Variants in COLGALT2 observed in about 807,000 individuals in gnomAD.
The protein encoded by COLGALT2 is procollagen galactosyltransferase 2.
Under a neutral mutation model 73.4 loss-of-function variants are expected in COLGALT2, and 49 were observed. The ratio of observed to expected loss-of-function variants is 0.67; its 90% CI spans 0.53 to 0.85. COLGALT2 has a LOEUF of 0.85. Among genes scored for constraint, COLGALT2 ranks in the 40% least tolerant of loss-of-function variants. The pLI, the probability that COLGALT2 is intolerant of heterozygous loss-of-function variation, is 0.00. For missense variants in COLGALT2, 722 were observed against 790.2 expected, an observed-to-expected ratio of 0.91 and a Z score of 1.03; for synonymous variants, 295 against 307.6, an observed-to-expected ratio of 0.96 and a Z score of 0.43.
At chr1:183,973,541 T>C (rs1671106477) in intron 4 of COLGALT2, 75 bp downstream of exon 4, 2 of 1,563,946 alleles carry the variant, frequency 1.3e-6, no homozygotes, top group Admixed American at 1.8e-5. Flanking sequence ...AAGAGAAAGG[T>C]GAATGGGACT....
intron 1 of COLGALT2, among the ~76,000 whole-genome samples, chr1:184,008,803 C>T (rs1379384122): frequency 3.9e-5 from 6 of 152,056 alleles, no homozygotes; most frequent in South Asian, 2.1e-4. Flanking sequence ...AGAAAATATT[C>T]TTATACCTAG....
chr1:183,972,322 G>T (rs893798296), intron 4 of COLGALT2, among the ~76,000 whole-genome samples: 1 of 152,070 alleles, frequency 6.6e-6, no homozygotes, highest in Non-Finnish European at 1.5e-5. Flanking sequence ...TGCTCATGTT[G>T]GTCTCAAACT....
rs1053093 is a variant in COLGALT2, at chr1:183,935,939, C to T, written c.*2822G>A. On this transcript the variant is annotated 3_prime_UTR_variant, in exon 12 of 12. Transcript: ENST00000361927. ...ACGCAAGACAGATGATGCAGGGGAA[C>T]GGGTGTCCACTCTTTCTTGTTCTCA... The T allele has an allele frequency of 0.27, 266,924 of 985,176 alleles. 36,588 individuals carry two copies. The highest frequency in any genetic ancestry group is 0.48 in the East Asian group (4,250 of 8,806). The allele number at this position is 985,176 out of a possible 1,614,324, so 61.0% of individuals were successfully genotyped here.
chr1:184,020,503 T>C (rs1558340336), intron 1 of COLGALT2, among the ~76,000 whole-genome samples: 1 of 152,182 alleles, frequency 6.6e-6, no homozygotes, highest in Non-Finnish European at 1.5e-5. Flanking sequence ...TGTTTTCCCC[T>C]TTCTCCATTC....
intron 1 of COLGALT2, among the ~76,000 whole-genome samples, chr1:183,981,502 A>AC (rs1266177674): frequency 2.7e-5 from 4 of 150,554 alleles, no homozygotes; most frequent in African/African-American, 4.9e-5. Flanking sequence ...AAAAAAAAAA[A>AC]AACATTAGCT....
intron 1 of COLGALT2, 89 bp downstream of exon 1, chr1:184,037,006 G>T: frequency 8.8e-7 from 1 of 1,133,774 alleles, no homozygotes; most frequent in Non-Finnish European, 1.1e-6. Flanking sequence ...CGGCTCCCTC[G>T]CCCTGCAGCT....
chr1:184,021,658 T>C (rs968465264), intron 1 of COLGALT2, among the ~76,000 whole-genome samples: 15 of 152,180 alleles, frequency 9.9e-5, no homozygotes, highest in African/African-American at 3.6e-4. Flanking sequence ...TGGTATTCTA[T>C]TATAGCAGCA....
At chr1:183,967,878 CT>C (rs1446995750) in intron 5 of COLGALT2, among the ~76,000 whole-genome samples, 1 of 152,202 alleles carries the variant, frequency 6.6e-6, no homozygotes, top group African/African-American at 2.4e-5. Context: ...ATGAGGATTG[CT>C]TTTGCCTAGA....
chr1:183,976,327 G>C lies in COLGALT2; in HGVS notation c.375-1113C>G, dbSNP rs116318841. 5.6e-3 allele frequency among the ~76,000 whole-genome samples: 786 copies of C among 140,150 alleles called. 10 individuals are homozygous for C. Among genetic ancestry groups the C allele is most frequent in the African/African-American group, 0.02 (756 of 37,372 alleles). The allele number at this position is 140,150 out of a possible 152,430, so 91.9% of individuals were successfully genotyped here. A position where few individuals can be genotyped will look rare whatever the true frequency, so the allele number is the denominator to read the frequency against. On this transcript the variant is annotated intron_variant, in intron 2 of 11. Transcript: ENST00000361927. ...GCTTGATATACAGTCCATGGGCTTGGATTTGAGAAACACATATGTATATAT... is the reference window on the plus strand; with the variant it reads ...GCTTGATATACAGTCCATGGGCTTGCATTTGAGAAACACATATGTATATAT...
chr1:183,932,681 C>T (rs986685492), downstream of COLGALT2, among the ~76,000 whole-genome samples: 9 of 152,258 alleles, frequency 5.9e-5, no homozygotes, highest in South Asian at 8.3e-4. Flanking sequence ...GTGGGCCCGG[C>T]GCAGCCTCCC....
chr1:183,937,545 C>T lies in COLGALT2; in HGVS notation c.*1216G>A. 1.0e-6 allele frequency: 1 copy of T among 985,364 alleles called. No homozygotes were observed. Among genetic ancestry groups the T allele is most frequent in the Non-Finnish European group, 1.2e-6 (1 of 829,926 alleles). 61.0% of individuals were successfully genotyped at this position (985,364 alleles called of 1,614,324 possible). On this transcript the variant is annotated 3_prime_UTR_variant, in exon 12 of 12. Coordinates refer to ENST00000361927, the MANE Select transcript of COLGALT2 (RefSeq NM_015101.4). ...CAGGTGACCAGCCCTTTGTTTCTGACCAGGTTTCTCACCTGAGATAGAGAA... is the reference window on the plus strand; with the variant it reads ...CAGGTGACCAGCCCTTTGTTTCTGATCAGGTTTCTCACCTGAGATAGAGAA...
At chr1:183,981,758 A>AAT (rs1671357775) in intron 1 of COLGALT2, among the ~76,000 whole-genome samples, 1 of 152,210 alleles carries the variant, frequency 6.6e-6, no homozygotes, top group Non-Finnish European at 1.5e-5. Context: ...ATATATTCAA[A>AAT]AAATTTTTTT....
Position 183,944,292 on chromosome 1 carries a change from A to G in COLGALT2, c.1301T>C (p.Val434Ala). The part of the protein sequence containing the change: ...VIDRELEKTL[V>A]IEDDVRFEHQ... ...CTCAAAACGCACATCGTCTTCAATT[A>G]CAAGAGTCTTCTCTAGCTCTCGATC... is the stretch of plus-strand genomic sequence containing the variant. Residue 434 changes from valine to alanine, a missense_variant, in exon 10 of 12, where the codon GTA becomes GCA. By Grantham distance (64) the Val-to-Ala change is moderately conservative. Transcript: ENST00000361927. 6.2e-7 allele frequency: 1 copy of G among 1,613,940 alleles called. No individual in the cohort carries two copies. Among genetic ancestry groups the G allele is most frequent in the Non-Finnish European group, 8.5e-7 (1 of 1,179,930 alleles).
At chr1:183,930,995 G>A (rs548381008), downstream of COLGALT2, among the ~76,000 whole-genome samples, 51 of 152,320 alleles carry the variant, frequency 3.3e-4, no homozygotes, top group Admixed American at 7.2e-4. Flanking sequence ...GTGGAAGCAA[G>A]TTTCTTACTT....
chr1:183,993,478 T>G (rs890499901), intron 1 of COLGALT2, among the ~76,000 whole-genome samples: 2 of 152,222 alleles, frequency 1.3e-5, no homozygotes, highest in African/African-American at 4.8e-5. Flanking sequence ...GCAAGAGGAT[T>G]TGGTATGCAC....
At chr1:183,955,942 C>T (rs938643070) in intron 6 of COLGALT2, among the ~76,000 whole-genome samples, 1 of 152,150 alleles carries the variant, frequency 6.6e-6, no homozygotes, top group Admixed American at 6.5e-5. Context: ...GCTGCTGCTC[C>T]ACTCTCCAAG....
chr1:184,027,452 A>G (rs893545783), intron 1 of COLGALT2, among the ~76,000 whole-genome samples: 4 of 152,202 alleles, frequency 2.6e-5, no homozygotes, highest in African/African-American at 9.7e-5. Flanking sequence ...AAATCCATGT[A>G]TCTAACAAAT....
intron 1 of COLGALT2, among the ~76,000 whole-genome samples, chr1:184,027,721 T>C (rs1226230591): frequency 6.6e-6 from 1 of 152,228 alleles, no homozygotes; most frequent in African/African-American, 2.4e-5. Context: ...AAAAATCCAT[T>C]GTTTTAGAAA....
At chr1:183,973,295 T>C (rs577357733) in intron 4 of COLGALT2, among the ~76,000 whole-genome samples, 82 of 152,314 alleles carry the variant, frequency 5.4e-4, no homozygotes, top group Middle Eastern at 6.8e-3. Flanking sequence ...AGTTTTTCTA[T>C]AGTGTTCTTA....
Sources: gnomAD v4.1 joint callset for allele counts (sites outside exome capture counted in the v4.1 genomes callset) on GRCh38, gnomAD v4.1.1 for gene constraint, MANE v1.5 for transcripts, NCBI Gene and HGNC (gene_info 2026-07-23, HGNC 2026-07-21) for gene names.